The following CCDC73 variants were observed in gnomAD, a reference collection of about 807,000 sequenced individuals.
The protein encoded by CCDC73 is coiled-coil domain containing 73.
A neutral mutation model predicts 116.5 loss-of-function variants in CCDC73; 95 were observed. The ratio of observed to expected loss-of-function variants is 0.82; its 90% CI spans 0.69 to 0.97. The LOEUF (loss-of-function observed/expected upper bound fraction) is 0.97. Ranked by LOEUF, CCDC73 falls within the 50% of genes least tolerant of loss-of-function variation. The probability of loss-of-function intolerance (pLI) is 0.00; values close to 1 mark genes in which losing one functional copy is unlikely to be tolerated. For synonymous variants in CCDC73, 398 were observed against 401.3 expected, an observed-to-expected ratio of 0.99 and a Z score of 0.10; for missense variants, 1,066 against 1,206.8, an observed-to-expected ratio of 0.88 and a Z score of 1.73.
At chr11:32,692,213 T>C (rs972128519) in intron 6 of CCDC73, among the ~76,000 whole-genome samples, 4 of 152,142 alleles carry the variant, frequency 2.6e-5, no homozygotes, top group Non-Finnish European at 4.4e-5. Flanking sequence ...ATTTTTTTCA[T>C]ATGGATATCT....
intron 14 of CCDC73, among the ~76,000 whole-genome samples, chr11:32,628,375 A>C (rs1052738549): frequency 6.6e-6 from 1 of 152,218 alleles, no homozygotes; most frequent in African/African-American, 2.4e-5. Context: ...ACTGAAGATG[A>C]AGGCGCTACC....
At chr11:32,789,627 G>A (rs545052497) in intron 1 of CCDC73, among the ~76,000 whole-genome samples, 4 of 151,766 alleles carry the variant, frequency 2.6e-5, no homozygotes, top group African/African-American at 4.8e-5. Flanking sequence ...AAAAAAATTC[G>A]CTGGGTGTGG....
chr11:32,615,539 T>C (rs1045703349), intron 15 of CCDC73, among the ~76,000 whole-genome samples: 6 of 152,174 alleles, frequency 3.9e-5, no homozygotes, highest in South Asian at 2.1e-4. Flanking sequence ...CTTTTTAGTA[T>C]AGTTAACCTA....
intron 2 of CCDC73, among the ~76,000 whole-genome samples, chr11:32,754,484 A>C (rs980618881): frequency 6.6e-6 from 1 of 152,164 alleles, no homozygotes; most frequent in Non-Finnish European, 1.5e-5. Context: ...AAGGGGCAAT[A>C]CTCAAAAAAA....
chr11:32,742,876 C>T (rs1208050614), intron 2 of CCDC73, among the ~76,000 whole-genome samples: 1 of 152,130 alleles, frequency 6.6e-6, no homozygotes, highest in Non-Finnish European at 1.5e-5. Context: ...CTGCATATGG[C>T]TAGCCAGTTT....
At chr11:32,619,432 A>C (rs978182001) in intron 14 of CCDC73, among the ~76,000 whole-genome samples, 1 of 152,216 alleles carries the variant, frequency 6.6e-6, no homozygotes, top group Non-Finnish European at 1.5e-5. Context: ...GTGTTTTGGG[A>C]GGCTGAGATG....
intron 5 of CCDC73, among the ~76,000 whole-genome samples, chr11:32,700,388 C>A (rs2133314033): frequency 6.6e-6 from 1 of 152,290 alleles, no homozygotes; most frequent in African/African-American, 2.4e-5. Context: ...AGTTGCAAGT[C>A]ATTTCCATAT....
chr11:32,732,835 C>CGATGCTAG (rs1850091794), intron 2 of CCDC73, among the ~76,000 whole-genome samples: 1 of 152,142 alleles, frequency 6.6e-6, no homozygotes, highest in African/African-American at 2.4e-5. Context: ...TAAAGACCCT[C>CGATGCTAG]GATGCTAGGA....
intron 1 of CCDC73, among the ~76,000 whole-genome samples, chr11:32,769,724 C>T (rs1850474964): frequency 1.3e-5 from 2 of 152,270 alleles, no homozygotes; most frequent in South Asian, 4.1e-4. Context: ...TGCTCTCTTC[C>T]ATGTATATCC....
At position 32,686,595 on chromosome 11, in the gene CCDC73, T is replaced by G. The variant is rs570411264; in HGVS notation, c.391-3021A>C. On this transcript the variant is annotated intron_variant, in intron 6 of 17. Transcript: ENST00000335185. ...ACAATGTATTACTCTAATCCTGAATTTATTATCTGCTACCATCAGTCAAAG... is the reference window on the plus strand; with the variant it reads ...ACAATGTATTACTCTAATCCTGAATGTATTATCTGCTACCATCAGTCAAAG... 6.6e-5 allele frequency among the ~76,000 whole-genome samples: 10 copies of G among 152,236 alleles called. No homozygotes were observed. The South Asian group carries it at 1.9e-3, about 28-fold the overall frequency.
intron 1 of CCDC73, among the ~76,000 whole-genome samples, chr11:32,793,367 A>AT (rs1298813902): frequency 5.3e-5 from 8 of 152,112 alleles, no homozygotes; most frequent in African/African-American, 7.2e-5. Flanking sequence ...TTCAGTATAG[A>AT]TTTTTTCTTC....
At chr11:32,617,564 C>T (rs1205547511) in intron 14 of CCDC73, among the ~76,000 whole-genome samples, 1 of 152,164 alleles carries the variant, frequency 6.6e-6, no homozygotes, top group Non-Finnish European at 1.5e-5. Flanking sequence ...AGTGCTGCAG[C>T]AGTCCAGGTG....
In CCDC73 at chr11:32,643,375, G is replaced by T. The variant is rs368070625; in HGVS notation, c.940-1293C>A. Among the ~76,000 whole-genome samples the T allele has an allele frequency of 2.0e-5, 3 of 152,174 alleles. No individual in the cohort carries two copies. In the East Asian group the frequency reaches 5.8e-4, roughly 29 times the overall value. On this transcript the variant is annotated intron_variant, in intron 12 of 17. Coordinates refer to ENST00000335185, the MANE Select transcript of CCDC73 (RefSeq NM_001008391.4). Reference sequence around the variant, plus strand: ...TTAATTTATAGGTATATACAGTCATGTGTTGGTTATAGACAGGGATATGTT... The same window carrying T: ...TTAATTTATAGGTATATACAGTCATTTGTTGGTTATAGACAGGGATATGTT...
chr11:32,604,580 T>C (rs766909905), intron 17 of CCDC73: 9 of 152,250 alleles, frequency 5.9e-5, no homozygotes, highest in Non-Finnish European at 1.3e-4. Flanking sequence ...TTGGTTTATA[T>C]GCTATGTTAA....
In CCDC73 at chr11:32,614,537, T is replaced by C; in HGVS notation, c.1781A>G (p.Asp594Gly). 1 of 1,613,152 alleles carries C rather than the reference T, an allele frequency of 6.2e-7. No homozygotes were observed. The highest frequency in any genetic ancestry group is 8.5e-7 in the Non-Finnish European group (1 of 1,179,384). Reference protein sequence around the residue: ...AHNTYHNNNKDVSENEPFKQF... With the variant: ...AHNTYHNNNKGVSENEPFKQF... ...TTTGAATGGCTCATTTTCAGAAACA[T>C]CTTTATTATTATTGTGATATGTATT... Residue 594 changes from aspartate (D) to glycine (G), a missense_variant, in exon 16 of 18, where the codon GAT becomes GGT. Transcript: ENST00000335185.
chr11:32,785,913 C>T (rs1202720159), intron 1 of CCDC73, among the ~76,000 whole-genome samples: 1 of 152,044 alleles, frequency 6.6e-6, no homozygotes, highest in Non-Finnish European at 1.5e-5. Context: ...ATACTTATTT[C>T]ACAGGATGTG....
intron 17 of CCDC73, among the ~76,000 whole-genome samples, chr11:32,608,533 C>T (rs544161461): frequency 7.2e-5 from 11 of 152,252 alleles, no homozygotes; most frequent in Non-Finnish European, 1.2e-4. Flanking sequence ...GCCACTTTCA[C>T]GGGCTGACAT....
intron 2 of CCDC73, among the ~76,000 whole-genome samples, chr11:32,736,124 C>G (rs1167533864): frequency 1.3e-5 from 2 of 152,010 alleles, no homozygotes; most frequent in African/African-American, 4.8e-5. Context: ...TCTAAAACAC[C>G]AAAAGCAATG....
intron 8 of CCDC73, 75 bp downstream of exon 8, chr11:32,675,811 C>A: frequency 7.7e-7 from 1 of 1,297,472 alleles, no homozygotes; most frequent in South Asian, 1.4e-5. Flanking sequence ...CATAGATATT[C>A]AATGTATTCA....
Sources: gnomAD v4.1 joint callset for allele counts (sites outside exome capture counted in the v4.1 genomes callset) on GRCh38, gnomAD v4.1.1 for gene constraint, MANE v1.5 for transcripts, NCBI Gene and HGNC (gene_info 2026-07-23, HGNC 2026-07-21) for gene names.